The following GRID2 variants were observed in gnomAD, a reference collection of about 807,000 sequenced individuals.
GRID2 encodes glutamate ionotropic receptor delta type subunit 2.
A neutral mutation model predicts 114.8 loss-of-function variants in GRID2; 33 were observed. That is an observed-to-expected ratio of 0.29 (90% confidence interval 0.22 to 0.38). The LOEUF (loss-of-function observed/expected upper bound fraction) is 0.38. Ranked by LOEUF, GRID2 falls within the 10% of genes least tolerant of loss-of-function variation. The pLI is 1.00. For synonymous variants in GRID2, 505 were observed against 449.9 expected (o/e 1.12, Z -1.55); for missense variants, 1,184 against 1,257.7 (o/e 0.94, Z 0.89).
chr4:92,624,775 A>G (rs189793548), intron 2 of GRID2, among the ~76,000 whole-genome samples: 1 of 151,916 alleles, frequency 6.6e-6, no homozygotes, highest in African/African-American at 2.4e-5. Flanking sequence ...TCAAGTACAG[A>G]CTAAATATTG....
At chr4:93,320,398 G>A (rs1757090602) in intron 8 of GRID2, among the ~76,000 whole-genome samples, 1 of 152,074 alleles carries the variant, frequency 6.6e-6, no homozygotes, top group Non-Finnish European at 1.5e-5. Flanking sequence ...AACACTTTGA[G>A]GAATTTTAAC....
At chr4:93,230,170 G>T (rs980460882) in intron 7 of GRID2, among the ~76,000 whole-genome samples, 7 of 145,020 alleles carry the variant, frequency 4.8e-5, no homozygotes, top group African/African-American at 1.5e-4. Flanking sequence ...GTGTGTGTGT[G>T]CATGCTATCA....
intron 8 of GRID2, among the ~76,000 whole-genome samples, chr4:93,294,302 T>C (rs945227442): frequency 6.7e-6 from 1 of 150,248 alleles, no homozygotes; most frequent in Non-Finnish European, 1.5e-5. Flanking sequence ...CATATCAGGC[T>C]AGTCATTGAA....
intron 1 of GRID2, among the ~76,000 whole-genome samples, chr4:93,788,145 C>T (rs1041501539): frequency 6.6e-6 from 1 of 151,898 alleles, no homozygotes; most frequent in Non-Finnish European, 1.5e-5. Context: ...GGCGAAACCC[C>T]GTCTCTACTA....
At chr4:92,326,513 A>G (rs984588053) in intron 1 of GRID2, among the ~76,000 whole-genome samples, 2 of 151,916 alleles carry the variant, frequency 1.3e-5, no homozygotes, top group African/African-American at 4.8e-5. Context: ...GTGGGATTCT[A>G]TAGAAGTATA....
chr4:93,557,833 T>C, intron 13 of GRID2, among the ~76,000 whole-genome samples: 1 of 152,150 alleles, frequency 6.6e-6, no homozygotes, highest in East Asian at 1.9e-4. Context: ...ACCACATAAT[T>C]GGAAGTAAAA....
At chr4:93,560,007 T>G (rs1459101760) in intron 13 of GRID2, among the ~76,000 whole-genome samples, 1 of 151,536 alleles carries the variant, frequency 6.6e-6, no homozygotes. Context: ...ATGTTCTCAC[T>G]CATAAGTGGG....
intron 4 of GRID2, among the ~76,000 whole-genome samples, chr4:93,177,253 TA>T (rs1381633284): frequency 6.6e-6 from 1 of 152,066 alleles, no homozygotes; most frequent in African/African-American, 2.4e-5. Flanking sequence ...TTTGCATTTT[TA>T]AAAAATATAT....
chr4:93,235,057 T>G (rs545961251), intron 7 of GRID2, among the ~76,000 whole-genome samples: 1 of 152,214 alleles, frequency 6.6e-6, no homozygotes, highest in African/African-American at 2.4e-5. Flanking sequence ...TTTTTTTTAC[T>G]TTTTCCCCAA....
chr4:93,455,782 G>A lies in GRID2; in HGVS notation c.1666G>A (p.Val556Met). 3.1e-6 allele frequency: 5 copies of A among 1,613,418 alleles called. No homozygotes were observed. Among genetic ancestry groups the A allele is most frequent in the Non-Finnish European group, 4.2e-6 (5 of 1,179,368 alleles). The change falls in exon 11 of 16, where the codon GTG becomes ATG. Residue 556 changes from valine to methionine, a missense_variant. Val to Met is a conservative substitution (Grantham distance 21). Coordinates refer to ENST00000282020, the MANE Select transcript of GRID2 (RefSeq NM_001510.4). ...ACTACTTCGAAGGGCTGAAAAGACA[G>A]TGGATATGTTTGCCTGTCTTGCACC... is the stretch of plus-strand genomic sequence containing the variant. Reference protein sequence around the residue: ...GVLLRRAEKTVDMFACLAPFD... With the variant: ...GVLLRRAEKTMDMFACLAPFD...
chr4:92,749,887 A>G (rs1737359475), intron 2 of GRID2, among the ~76,000 whole-genome samples: 1 of 151,488 alleles, frequency 6.6e-6, no homozygotes, highest in African/African-American at 2.4e-5. Flanking sequence ...GATTGAGACA[A>G]TTTCGCTCTT....
intron 2 of GRID2, among the ~76,000 whole-genome samples, chr4:92,908,561 C>CAAAAAAAAAAAAAAAAAA (rs762037449): frequency 2.8e-5 from 1 of 35,996 alleles, no homozygotes; most frequent in African/African-American, 8.9e-5. Flanking sequence ...GACTCCATCT[C>CAAAAAAAAAAAAAAAAAA]AAAAAAAAAA....
At chr4:93,097,891 C>T (rs7683817) in intron 3 of GRID2, among the ~76,000 whole-genome samples, 6,955 of 151,908 alleles carry the variant, frequency 0.046, 224 homozygotes, top group East Asian at 0.14. Context: ...TGCTTATAGT[C>T]GTTTATCAAT....
chr4:92,369,907 C>T (rs994139742), intron 1 of GRID2, among the ~76,000 whole-genome samples: 1 of 152,040 alleles, frequency 6.6e-6, no homozygotes, highest in Non-Finnish European at 1.5e-5. Flanking sequence ...TTTTAGATAT[C>T]TAATATGAAT....
At chr4:93,437,067 G>A (rs1482943764) in intron 10 of GRID2, among the ~76,000 whole-genome samples, 1 of 152,030 alleles carries the variant, frequency 6.6e-6, no homozygotes. Flanking sequence ...ATCAATAATA[G>A]ATTTGACAAC....
At chr4:92,828,551 T>A (rs1412371317) in intron 2 of GRID2, among the ~76,000 whole-genome samples, 6 of 152,094 alleles carry the variant, frequency 3.9e-5, no homozygotes, top group Admixed American at 6.6e-5. Flanking sequence ...AATAATTGGT[T>A]TATATTGCTT....
In GRID2 at chr4:93,184,507, CAAAAA is replaced by C. The variant is rs1170737672; in HGVS notation, c.736-22878_736-22874del. The stretch of plus-strand genomic sequence containing the variant: ...AGTTCACTTTAGCCATATTATTTCT[CAAAAA>C]AAAAAAAAAAAAAAAAAACTCACAG... On this transcript the variant is annotated intron_variant, in intron 4 of 15. Coordinates refer to ENST00000282020, the MANE Select transcript of GRID2 (RefSeq NM_001510.4). 6.7e-3 allele frequency among the ~76,000 whole-genome samples: 531 copies of C among 79,568 alleles called. 6 individuals carry two copies. Among genetic ancestry groups the C allele is most frequent in the African/African-American group, 0.019 (505 of 26,806 alleles). The allele number at this position is 79,568 out of a possible 152,430, so 52.2% of individuals were successfully genotyped here. A position where few individuals can be genotyped will look rare whatever the true frequency, so the allele number is the denominator to read the frequency against.
rs563140557 is a variant in GRID2 at position 93,067,382 on chromosome 4, A to T, written c.245-17613A>T. Among the ~76,000 whole-genome samples, 3 of 152,170 alleles carry T rather than the reference A, an allele frequency of 2.0e-5. No homozygotes were observed. In the South Asian group the frequency reaches 6.2e-4, roughly 32 times the overall value. ...ACAGTTCTGGAGGCTGAGAAGTCCA[A>T]CATCAAAGTGCCAGCAGATTTGGTG... is the stretch of plus-strand genomic sequence containing the variant. On this transcript the variant is annotated intron_variant, in intron 2 of 15. Transcript: ENST00000282020.
chr4:93,011,483 T>A (rs886208287), intron 2 of GRID2, among the ~76,000 whole-genome samples: 1 of 152,064 alleles, frequency 6.6e-6, no homozygotes, highest in Non-Finnish European at 1.5e-5. Flanking sequence ...ACTTGGTTGG[T>A]TCCCCTGGAA....
Sources: gnomAD v4.1 joint callset for allele counts (sites outside exome capture counted in the v4.1 genomes callset) on GRCh38, gnomAD v4.1.1 for gene constraint, MANE v1.5 for transcripts, NCBI Gene and HGNC (gene_info 2026-07-23, HGNC 2026-07-21) for gene names.